GFRA2: variants seen among roughly 807,000 people sequenced by gnomAD.
The protein encoded by GFRA2 is GDNF family receptor alpha 2, also known as GDNF family receptor alpha-2.
GFRA2 carries 17 observed loss-of-function variants against 48.3 expected under a neutral mutation model. The ratio of observed to expected loss-of-function variants is 0.35; its 90% CI spans 0.24 to 0.53. The LOEUF (loss-of-function observed/expected upper bound fraction) is 0.53, where lower values mean the gene tolerates loss of function less well. Among genes scored for constraint, GFRA2 ranks in the 20% least tolerant of loss-of-function variants. The pLI is 0.93. For missense variants in GFRA2, 660 were observed against 637.3 expected, an observed-to-expected ratio of 1.04 and a Z score of -0.38; for synonymous variants, 305 against 257.2, an observed-to-expected ratio of 1.19 and a Z score of -1.78.
intron 4 of GFRA2, among the ~76,000 whole-genome samples, chr8:21,745,273 C>A (rs1022917919): frequency 1.3e-5 from 2 of 152,198 alleles, no homozygotes; most frequent in African/African-American, 4.8e-5. Context: ...ATTCCCCCTG[C>A]AGGAGGCCTG....
intron 2 of GFRA2, chr8:21,797,344 GCAGCGGTGCCAT>G (rs1807696553): frequency 8.7e-6 from 1 of 114,508 alleles, no homozygotes; most frequent in African/African-American, 3.5e-5. Context: ...AGGCTGGATT[GCAGCGGTGCCAT>G]CATAGCTCAC....
At chr8:21,708,251 T>G (rs962284649) in intron 4 of GFRA2, among the ~76,000 whole-genome samples, 3 of 152,288 alleles carry the variant, frequency 2.0e-5, no homozygotes, top group African/African-American at 7.2e-5. Context: ...CACCCTCTGC[T>G]TCCTCAAAAC....
chr8:21,780,273 G>A (rs1394871795), intron 2 of GFRA2, among the ~76,000 whole-genome samples: 1 of 151,964 alleles, frequency 6.6e-6, no homozygotes, highest in Non-Finnish European at 1.5e-5. Context: ...GGCTAATCCA[G>A]TGTGTCACCC....
chr8:21,773,232 G>A (rs1806522132), intron 3 of GFRA2, among the ~76,000 whole-genome samples: 1 of 152,218 alleles, frequency 6.6e-6, no homozygotes, highest in Non-Finnish European at 1.5e-5. Flanking sequence ...GTGCCCACAG[G>A]CAGTGCCAGC....
chr8:21,710,307 C>T (rs1485975166), intron 4 of GFRA2, among the ~76,000 whole-genome samples: 1 of 152,226 alleles, frequency 6.6e-6, no homozygotes, highest in East Asian at 1.9e-4. Flanking sequence ...AGACAGGAGG[C>T]ACCATCCTCA....
At chr8:21,755,134 G>A (rs1240309642) in intron 3 of GFRA2, among the ~76,000 whole-genome samples, 1 of 152,154 alleles carries the variant, frequency 6.6e-6, no homozygotes, top group Non-Finnish European at 1.5e-5. Context: ...ATACTGTAAT[G>A]GAGGATGCAT....
chr8:21,703,004 G>A (rs1027535929), intron 6 of GFRA2, 27 bp from the exon 7 acceptor site: 1 of 1,448,812 alleles, frequency 6.9e-7, no homozygotes, highest in African/African-American at 1.5e-5. Flanking sequence ...GGCAGATGCA[G>A]AGAAGTCAGA....
intron 4 of GFRA2, among the ~76,000 whole-genome samples, chr8:21,718,544 T>C (rs1345548140): frequency 1.3e-5 from 2 of 152,202 alleles, no homozygotes; most frequent in Non-Finnish European, 2.9e-5. Flanking sequence ...TGCTCACTGA[T>C]GTTGTGATTA....
chr8:21,716,878 G>A (rs759100492), intron 4 of GFRA2, among the ~76,000 whole-genome samples: 23 of 152,098 alleles, frequency 1.5e-4, no homozygotes, highest in Non-Finnish European at 2.6e-4. Flanking sequence ...AACACCTCAC[G>A]CCCCTTCAGG....
chr8:21,704,960 G>C, intron 6 of GFRA2, 25 bp downstream of exon 6: 1 of 1,581,224 alleles, frequency 6.3e-7, no homozygotes, highest in Non-Finnish European at 8.7e-7. Context: ...GGCTGCTGGG[G>C]TTGGGGAGAA....
Position 21,800,359 on chromosome 8 carries a change from A to T in GFRA2, c.-36+4658T>A, listed in dbSNP as rs1265120099. On this transcript the variant is annotated intron_variant, in intron 2 of 10. Coordinates refer to the GFRA2 transcript ENST00000517328. ...TCCCGCACCACGAAAAAGGAATTTGAATGAGATCCGAGAAGGTGAATCTGC... is the reference window on the plus strand; with the variant it reads ...TCCCGCACCACGAAAAAGGAATTTGTATGAGATCCGAGAAGGTGAATCTGC... Among the ~76,000 whole-genome samples the T allele has an allele frequency of 3.3e-5, 5 of 152,382 alleles. No individual in the cohort carries two copies. In the East Asian group the frequency reaches 9.6e-4, roughly 29 times the overall value.
At chr8:21,736,036 C>T (rs1173872547) in intron 4 of GFRA2, among the ~76,000 whole-genome samples, 2 of 152,234 alleles carry the variant, frequency 1.3e-5, no homozygotes, top group East Asian at 3.9e-4. Context: ...CTCGGGCTCC[C>T]TCTCCTCCCT....
chr8:21,732,797 C>G (rs1804262284), intron 4 of GFRA2, among the ~76,000 whole-genome samples: 1 of 152,178 alleles, frequency 6.6e-6, no homozygotes, highest in African/African-American at 2.4e-5. Context: ...CACACTTAAC[C>G]ACTTCAACAC....
intron 4 of GFRA2, among the ~76,000 whole-genome samples, chr8:21,720,466 T>C (rs1803541357): frequency 1.3e-5 from 2 of 152,158 alleles, no homozygotes; most frequent in Non-Finnish European, 2.9e-5. Flanking sequence ...TTGGCTGTTA[T>C]GAGGAGCCCT....
chr8:21,739,667 G>A (rs1378299766), intron 4 of GFRA2, among the ~76,000 whole-genome samples: 1 of 152,198 alleles, frequency 6.6e-6, no homozygotes, highest in East Asian at 1.9e-4. Flanking sequence ...CCCCCCTGGG[G>A]ATGCCCACGT....
At position 21,706,015 on chromosome 8, in the gene GFRA2, T is replaced by C. The variant is rs767277620; in HGVS notation, c.821A>G (p.Asn274Ser). The C allele has an allele frequency of 4.4e-5, 69 of 1,577,386 alleles. No homozygotes were observed. Among genetic ancestry groups the C allele is most frequent in the East Asian group, 3.9e-4 (17 of 43,046 alleles). ...CRSRLADFHA[N>S]CRASYQTVTS... Reference sequence around the variant, plus strand: ...GACCGTCTGGTAGGAGGCTCGACAATTGGCATGGAAGTCGGCCAGCCGGGA... The same window carrying C: ...GACCGTCTGGTAGGAGGCTCGACAACTGGCATGGAAGTCGGCCAGCCGGGA... The change falls in exon 5 of 9, where the codon AAT becomes AGT. Residue 274 changes from asparagine (N) to serine (S), a missense_variant. Coordinates refer to ENST00000524240, the MANE Select transcript of GFRA2 (RefSeq NM_001495.5).
intron 1 of GFRA2, 179 bp from the exon 2 acceptor site, chr8:21,783,078 C>G: frequency 1.4e-6 from 1 of 714,560 alleles, no homozygotes; most frequent in Non-Finnish European, 2.5e-6. Flanking sequence ...GCATCATCCT[C>G]CCCTGGATGT....
intron 4 of GFRA2, among the ~76,000 whole-genome samples, chr8:21,707,066 T>C (rs866719787): frequency 1.3e-5 from 2 of 152,176 alleles, no homozygotes; most frequent in South Asian, 2.1e-4. Context: ...ATGTATCATA[T>C]CAACTATGTC....
intron 4 of GFRA2, among the ~76,000 whole-genome samples, chr8:21,740,406 A>C (rs1174858578): frequency 6.6e-6 from 1 of 152,112 alleles, no homozygotes; most frequent in Non-Finnish European, 1.5e-5. Context: ...GTAATCACCA[A>C]TCCATCAAAA....
Sources: gnomAD v4.1 joint callset for allele counts (sites outside exome capture counted in the v4.1 genomes callset) on GRCh38, gnomAD v4.1.1 for gene constraint, MANE v1.5 for transcripts, NCBI Gene and HGNC (gene_info 2026-07-23, HGNC 2026-07-21) for gene names.